Variants in EPHA10 observed in about 807,000 individuals in gnomAD.
The protein encoded by EPHA10 is ephrin type-A receptor 10.
EPHA10 carries 120 observed loss-of-function variants against 109.7 expected under a neutral mutation model. The observed-to-expected ratio is 1.09, with a 90% confidence interval of 0.94 to 1.27. EPHA10 has a LOEUF of 1.27. EPHA10 is among the 50% of genes most tolerant of loss of function. The pLI is 0.00. For missense variants in EPHA10, 1,396 were observed against 1,411.1 expected (o/e 0.99, Z 0.17); for synonymous variants, 640 against 618.9 (o/e 1.03, Z -0.51).
intron 6 of EPHA10, 139 bp downstream of exon 6, chr1:37,735,118 C>T (rs917680283): frequency 8.8e-7 from 1 of 1,131,812 alleles, no homozygotes; most frequent in Non-Finnish European, 1.3e-6. Flanking sequence ...AGACTCGAGC[C>T]TGGGGCCCCT....
At chr1:37,752,070 C>A (rs1291715890) in intron 5 of EPHA10, among the ~76,000 whole-genome samples, 1 of 152,076 alleles carries the variant, frequency 6.6e-6, no homozygotes, top group African/African-American at 2.4e-5. Flanking sequence ...GGGTGACAGG[C>A]CGACCCTATA....
rs1645709103 is a variant in EPHA10 at position 37,717,330 on chromosome 1, G to A, written c.*1042C>T. 8.6e-6 allele frequency: 2 copies of A among 232,400 alleles called. No individual in the cohort carries two copies. Among genetic ancestry groups the A allele is most frequent in the African/African-American group, 4.4e-5 (2 of 45,260 alleles). 14.4% of individuals were successfully genotyped at this position (232,400 alleles called of 1,614,324 possible). Reference sequence around the variant, plus strand: ...GGGAGTCGCCTCTAGAGTCCCCAAGGGCTGTACAGGGAAGTGGTGGTGCCA... The same window carrying A: ...GGGAGTCGCCTCTAGAGTCCCCAAGAGCTGTACAGGGAAGTGGTGGTGCCA... On this transcript the variant is annotated 3_prime_UTR_variant, in exon 17 of 17. Coordinates refer to ENST00000373048, the MANE Select transcript of EPHA10 (RefSeq NM_001099439.2).
rs753073494 is a variant in EPHA10 at position 37,720,392 on chromosome 1, G to A, written c.2371C>T (p.Arg791Trp). The A allele has an allele frequency of 4.0e-5, 65 of 1,612,664 alleles. No individual in the cohort carries two copies. The South Asian group carries it at 5.1e-4, about 13-fold the overall frequency. The change falls in exon 13 of 17, where the codon CGG (arginine) becomes TGG (tryptophan). Residue 791 changes from arginine to tryptophan, a missense_variant. Physicochemically the swap from Arg to Trp is moderately radical, Grantham distance 101 (BLOSUM62 -3). Transcript: ENST00000373048. ...GCCTCTGATCGGTCCCGGGGGCCCCGCCCGAAGCCAGAGATCTTGCAGACA... is the reference window on the plus strand; with the variant it reads ...GCCTCTGATCGGTCCCGGGGGCCCCACCCGAAGCCAGAGATCTTGCAGACA... Reference protein sequence around the residue: ...DLVCKISGFGRGPRDRSEAVY... With the variant: ...DLVCKISGFGWGPRDRSEAVY...
chr1:37,752,591 A>G (rs910059767), intron 5 of EPHA10, among the ~76,000 whole-genome samples: 1 of 152,140 alleles, frequency 6.6e-6, no homozygotes, highest in Non-Finnish European at 1.5e-5. Flanking sequence ...AAGCGAGCAC[A>G]CAGGTGCTTC....
intron 3 of EPHA10, chr1:37,760,504 T>A: frequency 1.0e-6 from 1 of 999,448 alleles, no homozygotes; most frequent in Non-Finnish European, 1.2e-6. Flanking sequence ...TAGTGCAACT[T>A]CCCAATCCCT....
rs1368342452 is a variant in EPHA10, at chr1:37,716,224, G to C, written c.*2148C>G. Reference sequence around the variant, plus strand: ...AGGCCTGGGACCCAACAGGATTCTGGGACCTCACTCCTCAGTGGAGGGGAG... The same window carrying C: ...AGGCCTGGGACCCAACAGGATTCTGCGACCTCACTCCTCAGTGGAGGGGAG... On this transcript the variant is annotated 3_prime_UTR_variant, in exon 17 of 17. Coordinates refer to ENST00000373048, the MANE Select transcript of EPHA10 (RefSeq NM_001099439.2). The C allele has an allele frequency of 3.7e-5, 11 of 295,874 alleles. No individual in the cohort carries two copies. Among genetic ancestry groups the C allele is most frequent in the Non-Finnish European group, 4.5e-5 (7 of 156,760 alleles). 18.3% of individuals were successfully genotyped at this position (295,874 alleles called of 1,614,324 possible). A position where few individuals can be genotyped will look rare whatever the true frequency, so the allele number is the denominator to read the frequency against.
At chr1:37,725,690 G>C (rs974239809) in intron 8 of EPHA10, among the ~76,000 whole-genome samples, 2 of 152,078 alleles carry the variant, frequency 1.3e-5, no homozygotes, top group Non-Finnish European at 2.9e-5. Context: ...CACGAATGAG[G>C]AGCAACATCC....
At chr1:37,749,071 C>T (rs1646283794) in intron 5 of EPHA10, among the ~76,000 whole-genome samples, 1 of 151,778 alleles carries the variant, frequency 6.6e-6, no homozygotes, top group Non-Finnish European at 1.5e-5. Flanking sequence ...TACAGGTGTG[C>T]ACCACCACGC....
In EPHA10 at chr1:37,753,239, AG is replaced by A. The variant is rs1438362730; in HGVS notation, c.1007-14del. The A allele has an allele frequency of 4.3e-5, 41 of 956,050 alleles. No individual in the cohort carries two copies. In the East Asian group the frequency reaches 5.1e-3, roughly 120 times the overall value. 59.2% of individuals were successfully genotyped at this position (956,050 alleles called of 1,614,324 possible). A position where few individuals can be genotyped will look rare whatever the true frequency, so the allele number is the denominator to read the frequency against. ...GCCGACGGCGGCCCTGAGGCGGCAC[AG>A]GGGCGGGGCGGTCAGGGCGGGGCGT... On this transcript the variant is annotated splice_polypyrimidine_tract_variant and intron_variant, in intron 4 of 16. Transcript: ENST00000373048.
At chr1:37,753,295 AG>A (rs1273092009) in intron 4 of EPHA10, 69 bp from the exon 5 acceptor site, 52 of 18,294 alleles carry the variant, frequency 2.8e-3, no homozygotes, top group Admixed American at 6.7e-3. Context: ...GGGATGCACG[AG>A]GGGGGGGCGG....
chr1:37,758,556 C>T (rs372157936), intron 3 of EPHA10, among the ~76,000 whole-genome samples: 1 of 152,194 alleles, frequency 6.6e-6, no homozygotes, highest in East Asian at 1.9e-4. Context: ...GTAGGGCATT[C>T]CTTCCTGGAC....
chr1:37,717,615 TCATAAAAGGAATG>T lies in EPHA10; in HGVS notation c.*744_*756del. 4.3e-6 allele frequency: 1 copy of T among 231,532 alleles called. No individual in the cohort carries two copies. The highest frequency in any genetic ancestry group is 8.5e-6 in the Non-Finnish European group (1 of 117,004). The allele number at this position is 231,532 out of a possible 1,614,324, so 14.3% of individuals were successfully genotyped here. A position where few individuals can be genotyped will look rare whatever the true frequency, so the allele number is the denominator to read the frequency against. ...TTCCCAGATGTCCTGGCCACTAAGT[TCATAAAAGGAATG>T]CACACGAGGGCCTCATGGGGCCCCA... On this transcript the variant is annotated 3_prime_UTR_variant, in exon 17 of 17. Transcript: ENST00000373048.
At chr1:37,725,483 G>A (rs1645873017) in intron 8 of EPHA10, among the ~76,000 whole-genome samples, 1 of 138,256 alleles carries the variant, frequency 7.2e-6, no homozygotes. Flanking sequence ...CTCAGTCTGG[G>A]TGACAAGAGC....
chr1:37,728,150 C>T (rs145864108), intron 7 of EPHA10, among the ~76,000 whole-genome samples: 1 of 152,178 alleles, frequency 6.6e-6, no homozygotes. Context: ...TGCTTTGATG[C>T]ACACACTGGG....
At position 37,754,917 on chromosome 1, in the gene EPHA10, C is replaced by T. The variant is rs549580032; in HGVS notation, c.851-547G>A. 6.6e-6 allele frequency among the ~76,000 whole-genome samples: 1 copy of T among 152,282 alleles called. No individual in the cohort carries two copies. The highest frequency in any genetic ancestry group is 2.1e-4 in the South Asian group (1 of 4,830). ...GGTTTAAGCGATTCTCCTGCCTCAGCCTCCTGAGTAGCTGGGATTACAAGT... is the reference window on the plus strand; with the variant it reads ...GGTTTAAGCGATTCTCCTGCCTCAGTCTCCTGAGTAGCTGGGATTACAAGT... On this transcript the variant is annotated intron_variant, in intron 3 of 16. Coordinates refer to ENST00000373048, the MANE Select transcript of EPHA10 (RefSeq NM_001099439.2). The surrounding 1 kb of genome is among the most constrained non-coding windows in gnomAD (Gnocchi z 4.5).
chr1:37,728,316 C>A (rs1645927503), intron 7 of EPHA10, among the ~76,000 whole-genome samples: 1 of 152,072 alleles, frequency 6.6e-6, no homozygotes, highest in South Asian at 2.1e-4. Flanking sequence ...TAAACTTTCT[C>A]CTGTGGGTGA....
chr1:37,752,720 G>T, intron 5 of EPHA10, among the ~76,000 whole-genome samples, 156 bp downstream of exon 5: 1 of 147,482 alleles, frequency 6.8e-6, no homozygotes, highest in Non-Finnish European at 1.5e-5. Context: ...CCGGGGGGGT[G>T]ACTTTGTGTC....
intron 10 of EPHA10, chr1:37,722,755 C>T: frequency 1.9e-6 from 1 of 539,810 alleles, no homozygotes; most frequent in Non-Finnish European, 3.5e-6. Flanking sequence ...CCCCACTGCC[C>T]CATGAAGGCC....
rs1646050333 is a variant in EPHA10, at chr1:37,735,283, C to G, written c.1465G>C (p.Glu489Gln). ...PAGAPGANDT[E>Q]YEIRYYEKGQ... is the part of the protein sequence containing the mutation. ...TTCTCGTAGTATCGGATCTCGTACTCCGTGTCATTGGCCCCAGGGGCTCCG... is the reference window on the plus strand; with the variant it reads ...TTCTCGTAGTATCGGATCTCGTACTGCGTGTCATTGGCCCCAGGGGCTCCG... The change falls in exon 6 of 17, where the codon GAG becomes CAG. Residue 489 changes from glutamate to glutamine, a missense_variant. Physicochemically the swap from Glu to Gln is conservative, Grantham distance 29 (BLOSUM62 2). Transcript: ENST00000373048. 1 of 1,564,328 alleles carries G rather than the reference C, an allele frequency of 6.4e-7. No individual in the cohort carries two copies. The highest frequency in any genetic ancestry group is 1.9e-5 in the Admixed American group (1 of 52,306).
Sources: gnomAD v4.1 joint callset for allele counts (sites outside exome capture counted in the v4.1 genomes callset) on GRCh38, gnomAD v4.1.1 for gene constraint, Gnocchi (gnomAD v3.1) non-coding constraint, MANE v1.5 for transcripts, NCBI Gene and HGNC (gene_info 2026-07-23, HGNC 2026-07-21) for gene names.